The following ABCA9 variants were observed in gnomAD, a reference collection of about 807,000 sequenced individuals.
ABCA9 encodes ATP binding cassette subfamily A member 9.
A neutral mutation model predicts 205.3 loss-of-function variants in ABCA9; 183 were observed. The ratio of observed to expected loss-of-function variants is 0.89; its 90% CI spans 0.79 to 1.01. The LOEUF (loss-of-function observed/expected upper bound fraction) is 1.01, where lower values mean the gene tolerates loss of function less well. Among genes scored for constraint, ABCA9 ranks in the 50% least tolerant of loss-of-function variants. The pLI is 0.00. For missense variants in ABCA9, 1,805 were observed against 1,912.4 expected (o/e 0.94, Z 1.05); for synonymous variants, 651 against 683.3 (o/e 0.95, Z 0.74).
At chr17:68,976,776 A>G (rs1339657059) in intron 37 of ABCA9, among the ~76,000 whole-genome samples, 1 of 152,186 alleles carries the variant, frequency 6.6e-6, no homozygotes, top group Admixed American at 6.5e-5. Flanking sequence ...AGGTAGTTAC[A>G]CTGTTCCATG....
At chr17:68,994,889 C>A (rs75062029) in intron 26 of ABCA9, among the ~76,000 whole-genome samples, 3 of 152,238 alleles carry the variant, frequency 2.0e-5, no homozygotes, top group Admixed American at 6.5e-5. Flanking sequence ...ATAGTATTTT[C>A]CTTCTTAGCA....
At chr17:68,983,908 T>C (rs1368395815) in intron 35 of ABCA9, 59 bp from the exon 36 acceptor site, 3 of 1,610,868 alleles carry the variant, frequency 1.9e-6, no homozygotes, top group Non-Finnish European at 2.5e-6. Context: ...TGGCTTGTGA[T>C]GTTCAGCCTC....
At chr17:69,077,687 A>G in the ABCA9 span, among the ~76,000 whole-genome samples, 12 of 152,268 alleles carry the variant, frequency 7.9e-5, no homozygotes, top group Non-Finnish European at 1.0e-4. Flanking sequence ...TGGGTGCTCC[A>G]ATGTTGGGTG....
At chr17:69,015,707 C>T (rs2070566820) in intron 22 of ABCA9, among the ~76,000 whole-genome samples, 1 of 152,116 alleles carries the variant, frequency 6.6e-6, no homozygotes, top group African/African-American at 2.4e-5. Context: ...CTCACATTGC[C>T]TCATTTACTT....
upstream of ABCA9, among the ~76,000 whole-genome samples, chr17:69,065,358 A>T (rs2072336304): frequency 6.6e-6 from 1 of 152,210 alleles, no homozygotes; most frequent in African/African-American, 2.4e-5. Context: ...TGAAATGGGA[A>T]AGCAATCTAT....
chr17:68,985,935 G>A (rs964685402), intron 32 of ABCA9, among the ~76,000 whole-genome samples: 6 of 151,212 alleles, frequency 4.0e-5, no homozygotes, highest in East Asian at 1.9e-4. Flanking sequence ...GCCAAACTCC[G>A]TCTCAAAAGA....
the ABCA9 span, among the ~76,000 whole-genome samples, chr17:69,068,285 C>A: frequency 6.6e-6 from 1 of 152,122 alleles, no homozygotes; most frequent in Non-Finnish European, 1.5e-5. Flanking sequence ...TAGCATACAA[C>A]TTAAAAAACC....
chr17:69,022,013 G>A (rs1337326958), intron 17 of ABCA9, 152 bp from the exon 18 acceptor site: 2 of 511,596 alleles, frequency 3.9e-6, no homozygotes, highest in Non-Finnish European at 5.9e-6. Flanking sequence ...GATCCATATA[G>A]TATGTTACTT....
At chr17:69,028,230 G>A (rs895290086) in intron 12 of ABCA9, among the ~76,000 whole-genome samples, 21 of 152,116 alleles carry the variant, frequency 1.4e-4, no homozygotes, top group Admixed American at 9.2e-4. Flanking sequence ...GCTGTGGCAC[G>A]ATCTAGGCTC....
intron 1 of ABCA9, among the ~76,000 whole-genome samples, chr17:69,058,717 T>C (rs2072143488): frequency 6.6e-6 from 1 of 151,874 alleles, no homozygotes; most frequent in Non-Finnish European, 1.5e-5. Context: ...CGAGTGCCCG[T>C]AATCCCAGCT....
rs1158506278 is a variant in ABCA9 at position 68,985,243 on chromosome 17, G to A, written c.4209-115C>T. The A allele has an allele frequency of 2.9e-6, 4 of 1,377,532 alleles. No individual in the cohort carries two copies. The East Asian group carries it at 7.0e-5, about 24-fold the overall frequency. 85.3% of individuals were successfully genotyped at this position (1,377,532 alleles called of 1,614,324 possible). A position where few individuals can be genotyped will look rare whatever the true frequency, so the allele number is the denominator to read the frequency against. ...GAGGTGTTTATGAGTGGTCAGAGTG[G>A]TCATAAAATTTAAACCACCTAGGTA... On this transcript the variant is annotated intron_variant, in intron 32 of 38. Coordinates refer to ENST00000340001, the MANE Select transcript of ABCA9 (RefSeq NM_080283.4).
intron 1 of ABCA9, among the ~76,000 whole-genome samples, chr17:69,059,959 A>G (rs1258122980): frequency 6.6e-6 from 1 of 152,198 alleles, no homozygotes; most frequent in Non-Finnish European, 1.5e-5. Context: ...AACATTTCCA[A>G]CTAAGAAATC....
chr17:69,002,368 C>T (rs1171870846), intron 25 of ABCA9, among the ~76,000 whole-genome samples: 2 of 120,932 alleles, frequency 1.7e-5, no homozygotes, highest in South Asian at 3.4e-4. Context: ...GCCTTCATTT[C>T]GTTATGTACC....
rs1191043074 is a variant in ABCA9, at chr17:69,051,509, A to G, written c.-13-370T>C. 12 of 215,544 alleles carry G rather than the reference A, an allele frequency of 5.6e-5. No individual in the cohort carries two copies. The Admixed American group carries it at 6.4e-4, about 11-fold the overall frequency. 13.4% of individuals were successfully genotyped at this position (215,544 alleles called of 1,614,324 possible). ...AACCCAGTCACATGGGTGATTCATTACTAATTCATTACTACTTAGCAATAT... is the reference window on the plus strand; with the variant it reads ...AACCCAGTCACATGGGTGATTCATTGCTAATTCATTACTACTTAGCAATAT... On this transcript the variant is annotated intron_variant, in intron 1 of 38. Transcript: ENST00000340001.
intron 15 of ABCA9, 65 bp from the exon 16 acceptor site, chr17:69,026,532 C>T (rs1362431027): frequency 6.7e-6 from 9 of 1,334,800 alleles, no homozygotes; most frequent in Non-Finnish European, 9.6e-6. Context: ...TCACAAAACA[C>T]AAATCTATTA....
the ABCA9 span, among the ~76,000 whole-genome samples, chr17:69,077,603 G>A: frequency 6.6e-6 from 1 of 152,172 alleles, no homozygotes; most frequent in Admixed American, 6.6e-5. Flanking sequence ...TCAATGGGGT[G>A]TTGAAGTTTC....
At chr17:69,045,044 G>T (rs1234154339) in intron 4 of ABCA9, 128 bp downstream of exon 4, 6 of 669,366 alleles carry the variant, frequency 9.0e-6, no homozygotes, top group Non-Finnish European at 1.2e-5. Context: ...TCTCCTTTAT[G>T]TTCAGAAATT....
chr17:69,035,888 C>T (rs2071321011), intron 6 of ABCA9, 87 bp from the exon 7 acceptor site: 2 of 1,471,664 alleles, frequency 1.4e-6, no homozygotes, highest in African/African-American at 1.4e-5. Flanking sequence ...TTGTGAAGCT[C>T]ACCATTTATC....
Position 68,982,641 on chromosome 17 carries a change from C to G in ABCA9, c.4641G>C (p.Arg1547Ser), listed in dbSNP as rs557030957. The change falls in exon 37 of 39, where the codon AGG becomes AGC. Residue 1547 changes from arginine to serine, a missense_variant and splice_region_variant. Arg to Ser is a moderately radical substitution (Grantham distance 110). Coordinates refer to ENST00000340001, the MANE Select transcript of ABCA9 (RefSeq NM_080283.4). ...RLFPQAAQQE[R>S]FSSLMVYKLP... ...ACTTATAGACCATCAGGGAGGAGAACCTGCGAAGAGAAGACAGTGAGGCTG... is the reference window on the plus strand; with the variant it reads ...ACTTATAGACCATCAGGGAGGAGAAGCTGCGAAGAGAAGACAGTGAGGCTG... 5.0e-6 allele frequency: 8 copies of G among 1,613,528 alleles called. No individual in the cohort carries two copies. The South Asian group carries it at 7.7e-5, about 16-fold the overall frequency.
Sources: gnomAD v4.1 joint callset for allele counts (sites outside exome capture counted in the v4.1 genomes callset) on GRCh38, gnomAD v4.1.1 for gene constraint, MANE v1.5 for transcripts, NCBI Gene and HGNC (gene_info 2026-07-23, HGNC 2026-07-21) for gene names.